Variants in INPP4B observed in about 807,000 individuals in gnomAD.
INPP4B encodes the protein inositol polyphosphate 4-phosphatase type II.
INPP4B carries 55 observed loss-of-function variants against 122.5 expected under a neutral mutation model. The ratio of observed to expected loss-of-function variants is 0.45; its 90% CI spans 0.36 to 0.56. The LOEUF is 0.56. INPP4B is among the 20% of genes least tolerant of loss of function. INPP4B has a pLI of 0.00. For missense variants in INPP4B, 1,000 were observed against 1,097.7 expected (o/e 0.91, Z 1.26); for synonymous variants, 403 against 388.7 (o/e 1.04, Z -0.43).
chr4:142,270,031 C>A (rs1744989012), intron 10 of INPP4B, among the ~76,000 whole-genome samples: 1 of 152,092 alleles, frequency 6.6e-6, no homozygotes, highest in Admixed American at 6.6e-5. Flanking sequence ...AGTTTCTCTG[C>A]CTTAGTGAAA....
chr4:142,831,869 TC>T (rs1294566928), intron 1 of INPP4B, among the ~76,000 whole-genome samples: 3 of 152,194 alleles, frequency 2.0e-5, no homozygotes, highest in South Asian at 4.1e-4. Context: ...CTTATTTTTT[TC>T]CTATATATAT....
intron 17 of INPP4B, among the ~76,000 whole-genome samples, chr4:142,158,970 T>C (rs1362632616): frequency 1.3e-5 from 2 of 152,032 alleles, no homozygotes; most frequent in Non-Finnish European, 2.9e-5. Flanking sequence ...CTCTTCAAAA[T>C]TCACAATCCA....
At chr4:142,201,646 TA>T (rs1338432634) in intron 14 of INPP4B, among the ~76,000 whole-genome samples, 1 of 151,842 alleles carries the variant, frequency 6.6e-6, no homozygotes, top group Admixed American at 6.6e-5. Flanking sequence ...TGTATTCCTT[TA>T]AATTTAGAAT....
At chr4:142,311,135 C>G (rs1765364766) in intron 8 of INPP4B, among the ~76,000 whole-genome samples, 1 of 152,106 alleles carries the variant, frequency 6.6e-6, no homozygotes, top group Non-Finnish European at 1.5e-5. Context: ...CGGCCAAGAG[C>G]TTAAACTCTC....
chr4:142,576,597 A>G (rs1447822930), intron 2 of INPP4B, among the ~76,000 whole-genome samples: 1 of 152,002 alleles, frequency 6.6e-6, no homozygotes, highest in African/African-American at 2.4e-5. Flanking sequence ...AATTCATATA[A>G]TCATATCTCC....
intron 25 of INPP4B, among the ~76,000 whole-genome samples, chr4:142,051,157 T>G (rs981687356): frequency 6.6e-6 from 1 of 151,890 alleles, no homozygotes; most frequent in Non-Finnish European, 1.5e-5. Context: ...CCTCTATTCC[T>G]CCACAAACAA....
chr4:142,516,661 T>G (rs941538930), intron 2 of INPP4B, among the ~76,000 whole-genome samples: 1 of 152,186 alleles, frequency 6.6e-6, no homozygotes, highest in Non-Finnish European at 1.5e-5. Context: ...ATCTTCCTTT[T>G]GTCCCTTTGG....
intron 3 of INPP4B, among the ~76,000 whole-genome samples, chr4:142,444,990 A>G (rs922129032): frequency 1.3e-5 from 2 of 152,124 alleles, no homozygotes; most frequent in African/African-American, 4.8e-5. Flanking sequence ...CAGAGAGGGG[A>G]ACATCACACA....
chr4:142,119,652 G>T (rs113678658), intron 21 of INPP4B, among the ~76,000 whole-genome samples: 4,198 of 151,474 alleles, frequency 0.028, 132 homozygotes, highest in African/African-American at 0.064. Context: ...GTCGTGGGGT[G>T]GGGGGAAGGG....
chr4:142,832,302 GA>G (rs922016003), intron 1 of INPP4B, among the ~76,000 whole-genome samples: 11 of 151,236 alleles, frequency 7.3e-5, no homozygotes, highest in Middle Eastern at 3.4e-3. Context: ...TTTAGACCAT[GA>G]AAAAAAAATT....
chr4:142,377,767 A>T (rs1040725488), intron 7 of INPP4B, among the ~76,000 whole-genome samples: 4 of 152,120 alleles, frequency 2.6e-5, no homozygotes, highest in African/African-American at 4.8e-5. Context: ...AGAGTAATTA[A>T]ATACTAAAAT....
intron 9 of INPP4B, among the ~76,000 whole-genome samples, chr4:142,277,285 T>C (rs1748978205): frequency 1.1e-5 from 1 of 94,664 alleles, no homozygotes; most frequent in Non-Finnish European, 2.6e-5. Flanking sequence ...CTCTATGGGT[T>C]GTCTATTTAC....
intron 1 of INPP4B, among the ~76,000 whole-genome samples, chr4:142,755,089 A>G (rs1770322815): frequency 1.3e-5 from 2 of 152,098 alleles, no homozygotes; most frequent in African/African-American, 4.8e-5. Flanking sequence ...CTGATGACTG[A>G]TCCCATTTTC....
At chr4:142,118,428 A>G (rs1794860123) in intron 21 of INPP4B, among the ~76,000 whole-genome samples, 1 of 152,142 alleles carries the variant, frequency 6.6e-6, no homozygotes, top group African/African-American at 2.4e-5. Context: ...ACAGCATGGT[A>G]CTGGTACCAA....
intron 7 of INPP4B, among the ~76,000 whole-genome samples, chr4:142,334,404 G>A (rs975551477): frequency 2.6e-5 from 4 of 152,152 alleles, no homozygotes; most frequent in African/African-American, 9.7e-5. Flanking sequence ...GAATAATGCT[G>A]CAATGAACAT....
At chr4:142,524,586 C>T (rs191100732) in intron 2 of INPP4B, among the ~76,000 whole-genome samples, 26 of 150,770 alleles carry the variant, frequency 1.7e-4, no homozygotes, top group Admixed American at 1.3e-3. Context: ...GTCCAATATA[C>T]GCAAATCAAT....
chr4:142,276,797 A>G (rs1748643285), intron 9 of INPP4B, among the ~76,000 whole-genome samples: 2 of 152,026 alleles, frequency 1.3e-5, no homozygotes, highest in Admixed American at 1.3e-4. Context: ...GTACTCTCCA[A>G]ATATGAGGAA....
rs528959472 is a variant in INPP4B at position 142,260,541 on chromosome 4, T to G, written c.639A>C (p.Thr213=). ...CTTTTCCGCTCACACTTTCCGGGGC[T>G]GTACATTCACATACCAGGGCACACT... ...GQKCALVCEC[T]APESVSGKDN... Residue 213 remains threonine (T), a synonymous_variant, in exon 11 of 26, where the codon ACA becomes ACC. Transcript: ENST00000262992. The G allele has an allele frequency of 2.5e-6, 4 of 1,607,898 alleles. No individual in the cohort carries two copies. In the South Asian group the frequency reaches 4.4e-5, roughly 18 times the overall value.
In INPP4B at chr4:142,180,456, C is replaced by T. The variant is rs151084017; in HGVS notation, c.1182-6647G>A. 3.0e-3 allele frequency among the ~76,000 whole-genome samples: 459 copies of T among 152,256 alleles called. 2 individuals are homozygous for T. The highest frequency in any genetic ancestry group is 0.01 in the African/African-American group (425 of 41,558). ...ATCCTAATAATTTAAATCTCCTCCT[C>T]TATCACTTTAATAGATAATAATCAT... On this transcript the variant is annotated intron_variant, in intron 15 of 25. Transcript: ENST00000262992.
Sources: gnomAD v4.1 joint callset for allele counts (sites outside exome capture counted in the v4.1 genomes callset) on GRCh38, gnomAD v4.1.1 for gene constraint, MANE v1.5 for transcripts, NCBI Gene and HGNC (gene_info 2026-07-23, HGNC 2026-07-21) for gene names.